CARD14: variants seen among roughly 807,000 people sequenced by gnomAD.
CARD14 encodes the protein caspase recruitment domain family member 14, also known as caspase recruitment domain-containing protein 14.
In CARD14, 107 loss-of-function variants were observed where a neutral mutation model predicts 111.5. The ratio of observed to expected loss-of-function variants is 0.96; its 90% CI spans 0.82 to 1.13. CARD14 has a LOEUF of 1.13. Among genes scored for constraint, CARD14 ranks in the 50% most tolerant of loss-of-function variants. The pLI, the probability that CARD14 is intolerant of heterozygous loss-of-function variation, is 0.00. For synonymous variants in CARD14, 617 were observed against 579.6 expected (o/e 1.06, Z -0.93); for missense variants, 1,322 against 1,362.3 (o/e 0.97, Z 0.47).
At chr17:80,193,272 C>T (rs112829358) in intron 12 of CARD14, among the ~76,000 whole-genome samples, 4 of 124,964 alleles carry the variant, frequency 3.2e-5, no homozygotes, top group Admixed American at 7.7e-5. Flanking sequence ...CTGGCACAGA[C>T]AGTCCCCAGA....
Position 80,198,557 on chromosome 17 carries a change from A to C in CARD14, c.1817A>C (p.Gln606Pro). Reference protein sequence around the residue: ...HRVTPGSAADQMALRPGTQIV... With the variant: ...HRVTPGSAADPMALRPGTQIV... ...GTCACCCCGGGCTCGGCGGCGGACC[A>C]GATGGCCTTGCGCCCGGGCACCCAG... Residue 606 changes from glutamine (Q) to proline (P), a missense_variant, in exon 16 of 24, where the codon CAG becomes CCG. By Grantham distance (76) the Gln-to-Pro change is moderately conservative. Transcript: ENST00000648509. This position sits in a 1 kb window ranked among gnomAD's most constrained non-coding sequence, Gnocchi z 7.5. The C allele has an allele frequency of 1.2e-6, 2 of 1,613,080 alleles. No individual in the cohort carries two copies. Among genetic ancestry groups the C allele is most frequent in the Non-Finnish European group, 1.7e-6 (2 of 1,179,836 alleles).
chr17:80,173,983 A>T (rs922379136), intron 2 of CARD14, among the ~76,000 whole-genome samples: 30 of 152,176 alleles, frequency 2.0e-4, no homozygotes, highest in African/African-American at 7.2e-4. Flanking sequence ...ATTAGTTCCT[A>T]AAAAATCCCC....
In CARD14 at chr17:80,195,363, G is replaced by A. The variant is rs775320526; in HGVS notation, c.1499+30G>A. ...AGCACTGGGGTCCTTCCTGGCACTG[G>A]GGTGGCACTGGGGTCCTTCCTGGCA... On this transcript the variant is annotated intron_variant, in intron 13 of 23. Coordinates refer to ENST00000648509, the MANE Select transcript of CARD14 (RefSeq NM_001366385.1). This position sits in a 1 kb window ranked among gnomAD's most constrained non-coding sequence, Gnocchi z 4.7. 6.3e-6 allele frequency: 10 copies of A among 1,590,726 alleles called. No individual in the cohort carries two copies. The Admixed American group carries it at 1.5e-4, about 24-fold the overall frequency.
chr17:80,206,350 G>A (rs1040218310), intron 22 of CARD14, among the ~76,000 whole-genome samples: 9 of 151,850 alleles, frequency 5.9e-5, no homozygotes, highest in African/African-American at 1.4e-4. Context: ...ACAGTGGCTC[G>A]CGCCTGTAAT....
chr17:80,187,903 G>A (rs1447416117), intron 7 of CARD14: 2 of 985,660 alleles, frequency 2.0e-6, no homozygotes, highest in Non-Finnish European at 2.4e-6. Flanking sequence ...TGTCTGAACA[G>A]CCCCGGTCCC....
intron 20 of CARD14, chr17:80,204,601 G>C: frequency 2.6e-6 from 1 of 390,390 alleles, no homozygotes; most frequent in East Asian, 4.3e-5. Flanking sequence ...TCCAGCCTGG[G>C]CAATAAGAGC....
intron 7 of CARD14, 67 bp downstream of exon 7, chr17:80,184,305 G>A: frequency 2.3e-6 from 3 of 1,307,056 alleles, no homozygotes; most frequent in South Asian, 3.3e-5. Flanking sequence ...TGTACTAGCT[G>A]GTCCATCTCC....
At chr17:80,205,233 C>T (rs772670262) in intron 21 of CARD14, 28 bp downstream of exon 21, 2 of 1,575,980 alleles carry the variant, frequency 1.3e-6, no homozygotes, top group Non-Finnish European at 1.7e-6. Context: ...AATCCCTCTA[C>T]CCCTTCCACC....
Position 80,195,603 on chromosome 17 carries a change from A to T in CARD14, c.1545A>T (p.Gly515=). 2 of 1,613,212 alleles carry T rather than the reference A, an allele frequency of 1.2e-6. No homozygotes were observed. Among genetic ancestry groups the T allele is most frequent in the South Asian group, 2.2e-5 (2 of 91,058 alleles). Reference sequence around the variant, plus strand: ...AGGGAGACCCGGGAGCCCTGCCGGGAGCTAAGGCAGGCGACCCACACCTGG... The same window carrying T: ...AGGGAGACCCGGGAGCCCTGCCGGGTGCTAAGGCAGGCGACCCACACCTGG... ...IPEGDPGALP[G]AKAGDPHLDY... The change falls in exon 14 of 24, where the codon GGA becomes GGT. Residue 515 remains glycine (G), a synonymous_variant. Transcript: ENST00000648509. The surrounding 1 kb of genome is among the most constrained non-coding windows in gnomAD (Gnocchi z 4.7).
chr17:80,187,812 G>A (rs985794388), intron 7 of CARD14: 4 of 985,336 alleles, frequency 4.1e-6, no homozygotes, highest in South Asian at 9.4e-5. Context: ...CCAGAGGAAG[G>A]AGGCCAGCAG....
chr17:80,178,681 C>T (rs908350559), intron 3 of CARD14, 26 bp downstream of exon 3: 2 of 152,296 alleles, frequency 1.3e-5, no homozygotes, highest in Non-Finnish European at 2.9e-5. Flanking sequence ...GACCCGGCTC[C>T]TGGGACGGCT....
chr17:80,193,418 ATG>A (rs1555613297), intron 12 of CARD14, among the ~76,000 whole-genome samples: 20 of 151,764 alleles, frequency 1.3e-4, no homozygotes, highest in African/African-American at 2.4e-4. Flanking sequence ...CCTGGCACAC[ATG>A]GTCCCTGGGA....
chr17:80,206,993 C>A lies in CARD14; in HGVS notation c.2715C>A (p.Val905=), dbSNP rs1418312404. The change falls in exon 23 of 24, where the codon GTC becomes GTA. Residue 905 remains valine (V), a synonymous_variant. Coordinates refer to ENST00000648509, the MANE Select transcript of CARD14 (RefSeq NM_001366385.1). Reference sequence around the variant, plus strand: ...AGAACACCCATGCCCTCCTGGACGTCCAGCTGGACAGTGTCTGCACCCTGC... The same window carrying A: ...AGAACACCCATGCCCTCCTGGACGTACAGCTGGACAGTGTCTGCACCCTGC... ...MEKNTHALLD[V]QLDSVCTLHR... is the part of the protein sequence containing the mutation. 1 of 1,612,510 alleles carries A rather than the reference C, an allele frequency of 6.2e-7. No individual in the cohort carries two copies. The highest frequency in any genetic ancestry group is 8.5e-7 in the Non-Finnish European group (1 of 1,179,184).
rs899554160 is a variant in CARD14, at chr17:80,190,837, T to C, written c.1027T>C (p.Tyr343His). The part of the protein sequence containing the change: ...FQKSKMACQL[Y>H]REKVNALQAQ... ...GAAGAGTAAGATGGCCTGCCAACTC[T>C]ACAGGGAGAAGGTGAATGCGCTGCA... is the stretch of plus-strand genomic sequence containing the variant. The change falls in exon 10 of 24, where the codon TAC (tyrosine) becomes CAC (histidine). Residue 343 changes from tyrosine to histidine, a missense_variant. Physicochemically the swap from Tyr to His is moderately conservative, Grantham distance 83. Transcript: ENST00000648509. The C allele has an allele frequency of 1.1e-5, 17 of 1,613,914 alleles. No homozygotes were observed. The Admixed American group carries it at 2.5e-4, about 24-fold the overall frequency.
chr17:80,170,795 G>GTCCCCTCCCCTCCTC (rs1159949177), intron 1 of CARD14, among the ~76,000 whole-genome samples: 1 of 20,056 alleles, frequency 5.0e-5, no homozygotes, highest in Non-Finnish European at 9.2e-5. Flanking sequence ...CTCCCCTCCC[G>GTCCCCTCCCCTCCTC]TCCCCTCCCC....
intron 5 of CARD14, 99 bp downstream of exon 5, chr17:80,181,748 C>G (rs2040184900): frequency 8.8e-7 from 1 of 1,134,344 alleles, no homozygotes; most frequent in Non-Finnish European, 1.2e-6. Flanking sequence ...CTCGTCCTGT[C>G]TCTTATAAAA....
At position 80,172,869 on chromosome 17, in the gene CARD14, A is replaced by ATTTTTTTTTTTT. The variant is rs1265606234; in HGVS notation, c.-689-35_-689-34insTTTTTTTTTTTT. On this transcript the variant is annotated intron_variant, in intron 1 of 23. Transcript: ENST00000648509. ...GAACCCATACTTGCTTATTCTAAAC[A>ATTTTTTTTTTTT]TTCTTTTTTTTTTTTTTTTTTTTTT... 7.4e-5 allele frequency: 7 copies of ATTTTTTTTTTTT among 94,466 alleles called. 1 individual carries two copies. Among genetic ancestry groups the ATTTTTTTTTTTT allele is most frequent in the Admixed American group, 2.2e-4 (2 of 9,030 alleles). 5.9% of individuals were successfully genotyped at this position (94,466 alleles called of 1,614,324 possible). A position where few individuals can be genotyped will look rare whatever the true frequency, so the allele number is the denominator to read the frequency against.
In CARD14 at chr17:80,174,864, C is replaced by A. The variant is rs552065127; in HGVS notation, c.-367+1636C>A. Among the ~76,000 whole-genome samples, 30 of 152,302 alleles carry A rather than the reference C, an allele frequency of 2.0e-4. No individual in the cohort carries two copies. The South Asian group carries it at 5.8e-3, about 29-fold the overall frequency. On this transcript the variant is annotated intron_variant, in intron 2 of 23. Transcript: ENST00000648509. ...CCCAAACAGTAGAGGGATGCTGAAG[C>A]CCTCTCTTCCCGCAGTCTGTCCCTA...
Position 80,189,784 on chromosome 17 carries a change from A to G in CARD14, c.875A>G (p.Asp292Gly). ...AEKDILEQSL[D>G]EARGSRQELV... ...AAGGACATTCTGGAGCAGAGCCTGG[A>G]CGAGGCGCGGGGGAGCCGACAGGAG... Residue 292 changes from aspartate (D) to glycine (G), a missense_variant, in exon 9 of 24, where the codon GAC becomes GGC. Transcript: ENST00000648509. The surrounding 1 kb of genome is among the most constrained non-coding windows in gnomAD (Gnocchi z 4.7). 6.3e-7 allele frequency: 1 copy of G among 1,586,816 alleles called. No homozygotes were observed. The highest frequency in any genetic ancestry group is 8.5e-7 in the Non-Finnish European group (1 of 1,170,350).
Sources: allele counts gnomAD v4.1 joint callset (sites outside exome capture counted in the v4.1 genomes callset), GRCh38; gene constraint gnomAD v4.1.1; non-coding constraint Gnocchi (gnomAD v3.1); transcripts MANE v1.5; gene names NCBI Gene and HGNC (gene_info 2026-07-23, HGNC 2026-07-21).